Variants in CSMD1 observed in about 807,000 individuals in gnomAD.
CSMD1 encodes the protein CUB and Sushi multiple domains 1, also known as CUB and sushi domain-containing protein 1.
Under a neutral mutation model 417.5 loss-of-function variants are expected in CSMD1, and 213 were observed. The observed-to-expected ratio is 0.51, with a 90% CI of 0.46 to 0.57. The LOEUF (loss-of-function observed/expected upper bound fraction) is 0.57, where lower values mean the gene tolerates loss of function less well. Ranked by LOEUF, CSMD1 falls within the 20% of genes least tolerant of loss-of-function variation. The pLI is 0.00. For missense variants in CSMD1, 6,923 were observed against 4,529.7 expected (o/e 1.53, Z -15.17); for synonymous variants, 2,862 against 1,736.8 (o/e 1.65, Z -16.11).
intron 5 of CSMD1, among the ~76,000 whole-genome samples, chr8:3,764,135 G>A (rs953607490): frequency 6.6e-6 from 1 of 152,108 alleles, no homozygotes; most frequent in South Asian, 2.1e-4. Context: ...AGGGCTCAGG[G>A]AGTGCACAGC....
chr8:4,358,728 C>A, intron 3 of CSMD1, among the ~76,000 whole-genome samples: 1 of 152,078 alleles, frequency 6.6e-6, no homozygotes, highest in African/African-American at 2.4e-5. Context: ...ATTAAAATAT[C>A]TCTCAAGATA....
rs1801551114 is a variant in CSMD1, at chr8:2,937,387, G to C, written c.*1198C>G. ...TTCACTGAGTTCAAGGTGCTACTGT[G>C]GTATATTGTCTTTCAATGCAATATC... On this transcript the variant is annotated 3_prime_UTR_variant, in exon 70 of 70. Transcript: ENST00000635120. 2 of 149,732 alleles carry C rather than the reference G, an allele frequency of 1.3e-5. No homozygotes were observed. Among genetic ancestry groups the C allele is most frequent in the African/African-American group, 4.9e-5 (2 of 40,666 alleles). 9.3% of individuals were successfully genotyped at this position (149,732 alleles called of 1,614,324 possible). A position where few individuals can be genotyped will look rare whatever the true frequency, so the allele number is the denominator to read the frequency against.
intron 3 of CSMD1, among the ~76,000 whole-genome samples, chr8:4,332,329 A>T (rs1799912022): frequency 6.6e-6 from 1 of 152,078 alleles, no homozygotes; most frequent in Non-Finnish European, 1.5e-5. Context: ...TCATATGAGG[A>T]TCACCAAAAC....
At chr8:4,835,013 A>G (rs1159716059) in intron 1 of CSMD1, among the ~76,000 whole-genome samples, 4 of 10,918 alleles carry the variant, frequency 3.7e-4, no homozygotes, top group Non-Finnish European at 6.9e-4. Context: ...AAGAAAGAAA[A>G]AAAAATCACA....
At chr8:4,585,674 G>A (rs1355057794) in intron 2 of CSMD1, among the ~76,000 whole-genome samples, 1 of 152,012 alleles carries the variant, frequency 6.6e-6, no homozygotes, top group Non-Finnish European at 1.5e-5. Flanking sequence ...ATTTTGCAAT[G>A]GAAAAAAATT....
chr8:4,453,673 G>T (rs73660855), intron 2 of CSMD1, among the ~76,000 whole-genome samples: 3 of 151,830 alleles, frequency 2.0e-5, no homozygotes, highest in Admixed American at 6.6e-5. Context: ...TGCAGGTCCC[G>T]CAGTCTACAG....
At chr8:3,435,518 C>A (rs1420858219) in intron 12 of CSMD1, among the ~76,000 whole-genome samples, 1 of 152,096 alleles carries the variant, frequency 6.6e-6, no homozygotes, top group Non-Finnish European at 1.5e-5. Context: ...ACTCTGTCCA[C>A]CTCTCCACTC....
chr8:4,765,893 C>T (rs1298396529), intron 1 of CSMD1, among the ~76,000 whole-genome samples: 1 of 152,168 alleles, frequency 6.6e-6, no homozygotes, highest in Non-Finnish European at 1.5e-5. Flanking sequence ...GATTTACAAA[C>T]ATTTATATCA....
At chr8:3,935,804 T>C (rs1438098712) in intron 5 of CSMD1, among the ~76,000 whole-genome samples, 1 of 152,122 alleles carries the variant, frequency 6.6e-6, no homozygotes, top group Non-Finnish European at 1.5e-5. Flanking sequence ...GGCCTTTATG[T>C]GCTCAAGTGA....
intron 5 of CSMD1, among the ~76,000 whole-genome samples, chr8:3,995,441 T>C (rs1201029740): frequency 1.3e-5 from 2 of 152,236 alleles, no homozygotes; most frequent in African/African-American, 4.8e-5. Context: ...CCCCGACAGT[T>C]ACCTGTTCAA....
chr8:3,826,175 G>C (rs894516786), intron 5 of CSMD1, among the ~76,000 whole-genome samples: 3 of 152,068 alleles, frequency 2.0e-5, no homozygotes, highest in Non-Finnish European at 4.4e-5. Flanking sequence ...CTTTGACTGA[G>C]TTGAAAGCCC....
chr8:4,782,871 G>C (rs1211654479), intron 1 of CSMD1, among the ~76,000 whole-genome samples: 3 of 150,902 alleles, frequency 2.0e-5, no homozygotes, highest in East Asian at 3.9e-4. Flanking sequence ...AATGCTAAAA[G>C]CTTTATGATG....
intron 18 of CSMD1, among the ~76,000 whole-genome samples, chr8:3,372,730 C>G (rs1010293593): frequency 6.6e-6 from 1 of 152,094 alleles, no homozygotes; most frequent in African/African-American, 2.4e-5. Flanking sequence ...TCCAAGTCTG[C>G]TGGGCTTGCC....
intron 7 of CSMD1, among the ~76,000 whole-genome samples, chr8:3,675,905 C>G (rs894802841): frequency 2.0e-5 from 3 of 152,164 alleles, no homozygotes; most frequent in African/African-American, 4.8e-5. Context: ...GAAGTTCTCT[C>G]TCAGCACTGT....
chr8:3,984,362 A>C (rs974993749), intron 5 of CSMD1, among the ~76,000 whole-genome samples: 2 of 152,152 alleles, frequency 1.3e-5, no homozygotes, highest in South Asian at 4.1e-4. Context: ...ACAGATCATG[A>C]GTCTCTGTTT....
At chr8:4,065,390 C>G (rs1799191092) in intron 3 of CSMD1, among the ~76,000 whole-genome samples, 1 of 152,270 alleles carries the variant, frequency 6.6e-6, no homozygotes, top group Non-Finnish European at 1.5e-5. Flanking sequence ...GTCCTACAGT[C>G]TTAAAAATTT....
At chr8:4,726,857 A>G (rs949682395) in intron 1 of CSMD1, among the ~76,000 whole-genome samples, 25 of 152,246 alleles carry the variant, frequency 1.6e-4, no homozygotes, top group Non-Finnish European at 1.9e-4. Flanking sequence ...TGAAAAGCTG[A>G]AATAGTATTG....
chr8:4,925,346 A>T (rs1806785579), intron 1 of CSMD1, among the ~76,000 whole-genome samples: 1 of 147,600 alleles, frequency 6.8e-6, no homozygotes, highest in Non-Finnish European at 1.5e-5. Context: ...GTGTTGTCAC[A>T]TGACTCCTGT....
At chr8:3,491,348 T>C (rs1346996301) in intron 11 of CSMD1, among the ~76,000 whole-genome samples, 1 of 152,156 alleles carries the variant, frequency 6.6e-6, no homozygotes, top group Non-Finnish European at 1.5e-5. Context: ...AGCAATGATA[T>C]TATTAGACCC....
Sources: gnomAD v4.1 joint callset for allele counts (sites outside exome capture counted in the v4.1 genomes callset) on GRCh38, gnomAD v4.1.1 for gene constraint, MANE v1.5 for transcripts, NCBI Gene and HGNC (gene_info 2026-07-23, HGNC 2026-07-21) for gene names.